The following SBNO2 variants were observed in gnomAD, a reference collection of about 807,000 sequenced individuals.
SBNO2 encodes the protein strawberry notch homolog 2.
SBNO2 carries 89 observed loss-of-function variants against 146.3 expected under a neutral mutation model. The ratio of observed to expected loss-of-function variants is 0.61; its 90% confidence interval spans 0.51 to 0.73. The LOEUF is 0.73. Among genes scored for constraint, SBNO2 ranks in the 30% least tolerant of loss-of-function variants. The pLI is 0.00. For missense variants in SBNO2, 2,092 were observed against 2,003.7 expected (o/e 1.04, Z -0.84); for synonymous variants, 1,147 against 892.6 (o/e 1.29, Z -5.08).
Position 1,150,821 on chromosome 19 carries a change from A to G in SBNO2, c.94-1379T>C, listed in dbSNP as rs1004652588. Among the ~76,000 whole-genome samples the G allele has an allele frequency of 1.3e-5, 2 of 151,940 alleles. No homozygotes were observed. The highest frequency in any genetic ancestry group is 2.4e-5 in the African/African-American group (1 of 41,380). On this transcript the variant is annotated intron_variant, in intron 2 of 31. Transcript: ENST00000361757. This position sits in a 1 kb window ranked among gnomAD's most constrained non-coding sequence, Gnocchi z 6.2. ...CGGATGGCCGGGGGCCACTTTCTGT[A>G]CCCGCAGGTGCTGGGTGGGGGATTC...
At chr19:1,156,769 C>T (rs1001761839) in intron 1 of SBNO2, among the ~76,000 whole-genome samples, 4 of 152,104 alleles carry the variant, frequency 2.6e-5, no homozygotes, top group Admixed American at 6.5e-5. Context: ...GATCCCACTA[C>T]TATGCACTGT....
In SBNO2 at chr19:1,140,428, C is replaced by T. The variant is rs1047706450; in HGVS notation, c.279+6881G>A. Among the ~76,000 whole-genome samples, 8 of 152,212 alleles carry T rather than the reference C, an allele frequency of 5.3e-5. No homozygotes were observed. The highest frequency in any genetic ancestry group is 5.2e-4 in the Admixed American group (8 of 15,278). On this transcript the variant is annotated intron_variant, in intron 4 of 31. Transcript: ENST00000361757. The surrounding 1 kb of genome is among the most constrained non-coding windows in gnomAD (Gnocchi z 4.4). ...GCCATCACCCACCAGGGACATTGAGCCTGATGGCTTCGCGCCAACCTGGAG... is the reference window on the plus strand; with the variant it reads ...GCCATCACCCACCAGGGACATTGAGTCTGATGGCTTCGCGCCAACCTGGAG...
intron 8 of SBNO2, 45 bp downstream of exon 8, chr19:1,122,849 G>A (rs1031461549): frequency 6.5e-7 from 1 of 1,537,610 alleles, no homozygotes; most frequent in South Asian, 1.2e-5. Flanking sequence ...CCTCCCCAGG[G>A]GCCTCGCGGA....
chr19:1,154,534 A>C, intron 1 of SBNO2, 132 bp from the exon 2 acceptor site: 1 of 360,172 alleles, frequency 2.8e-6, no homozygotes, highest in Non-Finnish European at 5.0e-6. Flanking sequence ...GCCGGAACCA[A>C]AAGGCGCTCC....
chr19:1,151,585 G>A (rs1275285188), intron 2 of SBNO2, among the ~76,000 whole-genome samples: 1 of 152,222 alleles, frequency 6.6e-6, no homozygotes, highest in Non-Finnish European at 1.5e-5. Flanking sequence ...ACCTTTAGAT[G>A]GCAGGTCCTA....
chr19:1,163,162 C>G (rs1232563442), intron 1 of SBNO2, among the ~76,000 whole-genome samples: 1 of 152,192 alleles, frequency 6.6e-6, no homozygotes, highest in East Asian at 1.9e-4. Flanking sequence ...GCCTTATTTG[C>G]ATACAGGGTC....
In SBNO2 at chr19:1,109,802, T is replaced by C; in HGVS notation, c.3029-25A>G. Reference sequence around the variant, plus strand: ...TCTAGGGGGGCGGGTGGAGGGTAAGTGGTGTCCAGGCCTGGGACTGTGGGC... The same window carrying C: ...TCTAGGGGGGCGGGTGGAGGGTAAGCGGTGTCCAGGCCTGGGACTGTGGGC... On this transcript the variant is annotated intron_variant, in intron 26 of 31. Transcript: ENST00000361757. This position sits in a 1 kb window ranked among gnomAD's most constrained non-coding sequence, Gnocchi z 4.2. 1.3e-6 allele frequency: 2 copies of C among 1,526,950 alleles called. No homozygotes were observed. Among genetic ancestry groups the C allele is most frequent in the Non-Finnish European group, 1.8e-6 (2 of 1,118,152 alleles). 94.6% of individuals were successfully genotyped at this position (1,526,950 alleles called of 1,614,324 possible).
intron 4 of SBNO2, among the ~76,000 whole-genome samples, chr19:1,134,345 CCT>C (rs1220488687): frequency 6.6e-6 from 1 of 151,922 alleles, no homozygotes; most frequent in Non-Finnish European, 1.5e-5. Flanking sequence ...CCGGGTGGAC[CCT>C]CAGCTCCCAG....
chr19:1,145,781 T>C (rs1212671533), intron 4 of SBNO2, among the ~76,000 whole-genome samples: 1 of 152,000 alleles, frequency 6.6e-6, no homozygotes, highest in Non-Finnish European at 1.5e-5. Context: ...CAGGACCAGA[T>C]CACATGGGGG....
At chr19:1,151,052 G>T (rs1217265942) in intron 2 of SBNO2, among the ~76,000 whole-genome samples, 1 of 152,268 alleles carries the variant, frequency 6.6e-6, no homozygotes, top group Non-Finnish European at 1.5e-5. Context: ...ACCAGCCACA[G>T]GGGCTCCAGA....
At position 1,122,661 on chromosome 19, in the gene SBNO2, A is replaced by G; in HGVS notation, c.911T>C (p.Leu304Ser). 1 of 1,376,452 alleles carries G rather than the reference A, an allele frequency of 7.3e-7. No individual in the cohort carries two copies. The highest frequency in any genetic ancestry group is 9.5e-7 in the Non-Finnish European group (1 of 1,052,756). The allele number at this position is 1,376,452 out of a possible 1,614,324, so 85.3% of individuals were successfully genotyped here. A position where few individuals can be genotyped will look rare whatever the true frequency, so the allele number is the denominator to read the frequency against. Residue 304 changes from leucine to serine, a missense_variant, in exon 9 of 32, where the codon TTG (leucine) becomes TCG (serine). Physicochemically the swap from Leu to Ser is moderately radical, Grantham distance 145. Transcript: ENST00000361757. ...ENHLRGRKKALWFSVSNDLKY... is the reference protein window; with the variant it reads ...ENHLRGRKKASWFSVSNDLKY... ...CCTGCCCCAGGCAGGGCCTCACCACAATGCTTTCTTCCGGCCGCGCAGGTG... is the reference window on the plus strand; with the variant it reads ...CCTGCCCCAGGCAGGGCCTCACCACGATGCTTTCTTCCGGCCGCGCAGGTG...
At chr19:1,142,050 C>CCCTCAATG in intron 4 of SBNO2, among the ~76,000 whole-genome samples, 1 of 146,026 alleles carries the variant, frequency 6.8e-6, no homozygotes, top group African/African-American at 2.6e-5. Flanking sequence ...TGACCTCCCT[C>CCCTCAATG]ACGATCAACC....
Position 1,109,185 on chromosome 19 carries a change from G to A in SBNO2, c.3375C>T (p.Pro1125=), listed in dbSNP as rs1167911379. 1.9e-6 allele frequency: 3 copies of A among 1,562,440 alleles called. No homozygotes were observed. The highest frequency in any genetic ancestry group is 1.4e-5 in the African/African-American group (1 of 73,554). The change falls in exon 30 of 32, where the codon CCC becomes CCT. Residue 1125 remains proline (P), a synonymous_variant. Transcript: ENST00000361757. This position sits in a 1 kb window ranked among gnomAD's most constrained non-coding sequence, Gnocchi z 4.2. ...GCGACAAAGCGTAGCCACTCTCCCAGGGCTCCTTGGCCTCCTCCGCGGTGA... is the reference window on the plus strand; with the variant it reads ...GCGACAAAGCGTAGCCACTCTCCCAAGGCTCCTTGGCCTCCTCCGCGGTGA... ...HRVTAEEAKE[P]WESGYALSLT...
chr19:1,138,990 G>A (rs1015394119), intron 4 of SBNO2, among the ~76,000 whole-genome samples: 18 of 150,076 alleles, frequency 1.2e-4, no homozygotes, highest in African/African-American at 1.7e-4. Context: ...CCCTCCACGC[G>A]TCCATCACAG....
At chr19:1,168,651 C>G (rs370468458) in intron 1 of SBNO2, 12 of 152,432 alleles carry the variant, frequency 7.9e-5, no homozygotes, top group African/African-American at 2.6e-4. Context: ...GGAAGCCAGG[C>G]GGCGAGCGCA....
At chr19:1,119,193 C>A (rs762119423) in intron 13 of SBNO2, 29 bp from the exon 14 acceptor site, 1 of 1,572,022 alleles carries the variant, frequency 6.4e-7, no homozygotes, top group African/African-American at 1.3e-5. Context: ...CCCGTGAGCA[C>A]GGCCAGAGCC....
At chr19:1,137,186 G>A (rs2080092138) in intron 4 of SBNO2, among the ~76,000 whole-genome samples, 1 of 139,766 alleles carries the variant, frequency 7.2e-6, no homozygotes, top group Non-Finnish European at 1.5e-5. Flanking sequence ...TTGGGCTGGG[G>A]TGCGGTTGGG....
intron 1 of SBNO2, among the ~76,000 whole-genome samples, chr19:1,159,196 G>A (rs1475689159): frequency 6.6e-6 from 1 of 151,394 alleles, no homozygotes; most frequent in Non-Finnish European, 1.5e-5. Context: ...CCGGGTGCAG[G>A]GGGCGGGGGC....
chr19:1,152,059 G>A (rs185917518), intron 2 of SBNO2, among the ~76,000 whole-genome samples: 279 of 152,330 alleles, frequency 1.8e-3, no homozygotes, highest in African/African-American at 6.4e-3. Flanking sequence ...TGTCCATGAC[G>A]TACCCGAATG....
Sources: allele counts gnomAD v4.1 joint callset (sites outside exome capture counted in the v4.1 genomes callset), GRCh38; gene constraint gnomAD v4.1.1; non-coding constraint Gnocchi (gnomAD v3.1); transcripts MANE v1.5; gene names NCBI Gene and HGNC (gene_info 2026-07-23, HGNC 2026-07-21).